Variants in TMPRSS6 observed in about 807,000 individuals in gnomAD.
The protein encoded by TMPRSS6 is transmembrane serine protease 6, also known as transmembrane protease serine 6.
In TMPRSS6, 67 loss-of-function variants were observed where a neutral mutation model predicts 101.5. The observed-to-expected ratio is 0.66, with a 90% CI of 0.54 to 0.81. The LOEUF is 0.81. Ranked by LOEUF, TMPRSS6 falls within the 30% of genes least tolerant of loss-of-function variation. TMPRSS6 has a pLI of 0.00. For synonymous variants in TMPRSS6, 453 were observed against 464.9 expected (o/e 0.97, Z 0.33); for missense variants, 1,034 against 1,088.7 (o/e 0.95, Z 0.71).
chr22:37,084,146 C>A, intron 10 of TMPRSS6, 149 bp downstream of exon 10: 1 of 735,490 alleles, frequency 1.4e-6, no homozygotes, highest in South Asian at 1.7e-5. Context: ...GGGCAACAGG[C>A]CTGACACCAG....
At chr22:37,097,398 A>G (rs553869108) in intron 3 of TMPRSS6, among the ~76,000 whole-genome samples, 1 of 152,202 alleles carries the variant, frequency 6.6e-6, no homozygotes, top group South Asian at 2.1e-4. Context: ...TGTAGAGCTG[A>G]GAGCATCTGA....
In TMPRSS6 at chr22:37,070,118, G is replaced by GGCCC. The variant is rs565197361; in HGVS notation, c.1841+365_1841+366insGGGC. Among the ~76,000 whole-genome samples the GGCCC allele has an allele frequency of 9.2e-5, 14 of 152,274 alleles. No individual in the cohort carries two copies. In the South Asian group the frequency reaches 2.7e-3, roughly 29 times the overall value. On this transcript the variant is annotated intron_variant, in intron 15 of 17. Transcript: ENST00000676104. ...ACCTGCTACCTCGTGTCACACCTCG[G>GGCCC]GGAGTGTCATAGCTTATGACCAGGT... is the stretch of plus-strand genomic sequence containing the variant.
Position 37,070,729 on chromosome 22 carries a change from GAA to G in TMPRSS6, c.1673-79_1673-78del, listed in dbSNP as rs768964639. On this transcript the variant is annotated intron_variant, in intron 14 of 17. Coordinates refer to ENST00000676104, the MANE Select transcript of TMPRSS6 (RefSeq NM_001374504.1). ...AAGCAGACAGAGAGGAAGGGCAAAG[GAA>G]AGAGATGGAGAGACAGAGAACAGGA... The G allele has an allele frequency of 8.7e-6, 13 of 1,496,162 alleles. No individual in the cohort carries two copies. In the East Asian group the frequency reaches 1.1e-4, roughly 13 times the overall value. 92.7% of individuals were successfully genotyped at this position (1,496,162 alleles called of 1,614,324 possible).
chr22:37,070,295 T>C lies in TMPRSS6; in HGVS notation c.1841+189A>G, dbSNP rs528002728. 3.9e-5 allele frequency among the ~76,000 whole-genome samples: 6 copies of C among 151,998 alleles called. No individual in the cohort carries two copies. The South Asian group carries it at 1.2e-3, about 32-fold the overall frequency. Reference sequence around the variant, plus strand: ...ATACCAAAAGTAGATGGCAGAGAGGTGGAACAATGTGTCCGGGGACCCAGA... The same window carrying C: ...ATACCAAAAGTAGATGGCAGAGAGGCGGAACAATGTGTCCGGGGACCCAGA... On this transcript the variant is annotated intron_variant, in intron 15 of 17. Coordinates refer to ENST00000676104, the MANE Select transcript of TMPRSS6 (RefSeq NM_001374504.1).
chr22:37,076,108 A>G (rs1213367585), intron 10 of TMPRSS6, among the ~76,000 whole-genome samples: 1 of 152,184 alleles, frequency 6.6e-6, no homozygotes, highest in Admixed American at 6.5e-5. Context: ...AGGAAAAATT[A>G]TTTCTGTTGA....
intron 10 of TMPRSS6, among the ~76,000 whole-genome samples, chr22:37,079,013 G>GAA (rs1555888507): frequency 1.3e-5 from 2 of 151,706 alleles, no homozygotes; most frequent in Non-Finnish European, 2.9e-5. Context: ...AAGAAAGAAA[G>GAA]AAAGAGAAAG....
intron 10 of TMPRSS6, among the ~76,000 whole-genome samples, chr22:37,075,577 C>CT (rs1186499926): frequency 2.6e-5 from 4 of 152,212 alleles, no homozygotes; most frequent in African/African-American, 9.6e-5. Context: ...AGTCAGGGTC[C>CT]TTCTTTGAGC....
At chr22:37,105,769 G>C (rs1015869525) in intron 1 of TMPRSS6, among the ~76,000 whole-genome samples, 1 of 152,160 alleles carries the variant, frequency 6.6e-6, no homozygotes, top group Non-Finnish European at 1.5e-5. Context: ...TCCTGGGTTC[G>C]AGTGATCCTC....
At chr22:37,102,518 T>C (rs1930408767) in intron 2 of TMPRSS6, among the ~76,000 whole-genome samples, 1 of 152,186 alleles carries the variant, frequency 6.6e-6, no homozygotes, top group Non-Finnish European at 1.5e-5. Context: ...CTCAAGAGCA[T>C]TTATTCCATG....
At chr22:37,078,752 AAGG>A (rs769991110) in intron 10 of TMPRSS6, among the ~76,000 whole-genome samples, 196 of 146,508 alleles carry the variant, frequency 1.3e-3, no homozygotes, top group Non-Finnish European at 2.1e-3. Flanking sequence ...AAGAGGAAGA[AAGG>A]AGAAAGAGAA....
At position 37,084,773 on chromosome 22, in the gene TMPRSS6, A is replaced by G; in HGVS notation, c.1040T>C (p.Phe347Ser). The G allele has an allele frequency of 6.4e-7, 1 of 1,567,146 alleles. No individual in the cohort carries two copies. Among genetic ancestry groups the G allele is most frequent in the Non-Finnish European group, 8.7e-7 (1 of 1,155,366 alleles). Reference protein sequence around the residue: ...DSQGVLSTPYFPSYYSPQTHC... With the variant: ...DSQGVLSTPYSPSYYSPQTHC... ...GGTTTGGGGCGAGTAGTAGCTGGGG[A>G]AGTACGGGGTGCTGAGGACGCCCTG... Residue 347 changes from phenylalanine (F) to serine (S), a missense_variant, in exon 9 of 18, where the codon TTC becomes TCC. Physicochemically the swap from Phe to Ser is radical, Grantham distance 155. Transcript: ENST00000676104.
intron 3 of TMPRSS6, among the ~76,000 whole-genome samples, chr22:37,097,842 A>C: frequency 1.8e-5 from 2 of 111,322 alleles, no homozygotes; most frequent in Admixed American, 9.8e-5. Flanking sequence ...ACGGAGGGGG[A>C]AGAGCGGGCC....
chr22:37,067,475 C>CA (rs550232829), intron 16 of TMPRSS6, among the ~76,000 whole-genome samples: 47 of 148,942 alleles, frequency 3.2e-4, no homozygotes, highest in East Asian at 7.8e-4. Context: ...CTCAAAAAAA[C>CA]AAAAAAAAGA....
Position 37,078,262 on chromosome 22 carries a change from G to GAA in TMPRSS6, c.1197-2984_1197-2983dup, listed in dbSNP as rs1927849879. ...GAGGGGAGTGGAACGTTTCACCCTA[G>GAA]AAGCAACTGCGTTGAGGACCTGTAG... is the stretch of plus-strand genomic sequence containing the variant. On this transcript the variant is annotated intron_variant, in intron 10 of 17. Transcript: ENST00000676104. Among the ~76,000 whole-genome samples the GAA allele has an allele frequency of 2.6e-5, 4 of 152,306 alleles. No individual in the cohort carries two copies. In the South Asian group the frequency reaches 8.3e-4, roughly 32 times the overall value.
intron 8 of TMPRSS6, 34 bp downstream of exon 8, chr22:37,086,241 ACCACCACC>A (rs1928750303): frequency 6.2e-7 from 1 of 1,613,416 alleles, no homozygotes; most frequent in Admixed American, 1.7e-5. Context: ...CTTGGATTCT[ACCACCACC>A]CCTCCCCTGC....
chr22:37,074,792 C>T (rs1569001742), intron 11 of TMPRSS6, 84 bp from the exon 12 acceptor site: 2 of 1,397,602 alleles, frequency 1.4e-6, no homozygotes, highest in Middle Eastern at 1.9e-4. Context: ...GACACGCATG[C>T]ACCTGTTCAC....
chr22:37,098,036 A>G (rs1485005767), intron 3 of TMPRSS6, among the ~76,000 whole-genome samples: 2 of 89,012 alleles, frequency 2.2e-5, no homozygotes, highest in African/African-American at 4.8e-5. Context: ...GAGGGGCAGG[A>G]GCGGCCACCG....
chr22:37,090,050 G>A (rs968360203), intron 6 of TMPRSS6, among the ~76,000 whole-genome samples: 4 of 152,236 alleles, frequency 2.6e-5, no homozygotes, highest in East Asian at 3.8e-4. Flanking sequence ...AAATCCAGTC[G>A]CTGCCTGGGG....
intron 13 of TMPRSS6, among the ~76,000 whole-genome samples, chr22:37,072,766 T>TGATG (rs556435555): frequency 0.012 from 1,316 of 112,694 alleles, 4 homozygotes; most frequent in Non-Finnish European, 0.017. Context: ...GATAGATGGA[T>TGATG]GATGGATGGA....
Sources: allele counts gnomAD v4.1 joint callset (sites outside exome capture counted in the v4.1 genomes callset), GRCh38; gene constraint gnomAD v4.1.1; transcripts MANE v1.5; gene names NCBI Gene and HGNC (gene_info 2026-07-23, HGNC 2026-07-21).